The following MYO1B variants were observed in gnomAD, a reference collection of about 807,000 sequenced individuals.
The protein encoded by MYO1B is unconventional myosin-Ib.
A neutral mutation model predicts 159.7 loss-of-function variants in MYO1B; 72 were observed. The observed-to-expected ratio is 0.45, with a 90% CI of 0.37 to 0.55. The LOEUF is 0.55. Ranked by LOEUF, MYO1B falls within the 20% of genes least tolerant of loss-of-function variation. The pLI, the probability that MYO1B is intolerant of heterozygous loss-of-function variation, is 0.00. For synonymous variants in MYO1B, 468 were observed against 473.8 expected (o/e 0.99, Z 0.16); for missense variants, 1,062 against 1,364.8 (o/e 0.78, Z 3.50).
chr2:191,308,920 G>T (rs1689816048), intron 3 of MYO1B, among the ~76,000 whole-genome samples: 1 of 152,108 alleles, frequency 6.6e-6, no homozygotes, highest in Non-Finnish European at 1.5e-5. Flanking sequence ...CGCCTTGCTG[G>T]CTGCTCCATA....
intron 3 of MYO1B, among the ~76,000 whole-genome samples, chr2:191,313,717 C>G (rs992838434): frequency 1.3e-4 from 20 of 152,150 alleles, no homozygotes; most frequent in African/African-American, 4.8e-4. Flanking sequence ...CGGGGTTTCA[C>G]CATTTTGGTC....
intron 13 of MYO1B, 116 bp from the exon 14 acceptor site, chr2:191,381,346 G>T (rs1353455652): frequency 1.2e-6 from 1 of 811,298 alleles, no homozygotes; most frequent in South Asian, 1.4e-5. Context: ...CTGGGCCACA[G>T]TTAAATCTGA....
At chr2:191,356,374 G>A (rs1045733871) in intron 7 of MYO1B, among the ~76,000 whole-genome samples, 12 of 125,170 alleles carry the variant, frequency 9.6e-5, no homozygotes, top group Non-Finnish European at 6.7e-5. Flanking sequence ...TGAGTTTTGA[G>A]TTTTAAAGCT....
At position 191,423,936 on chromosome 2, in the gene MYO1B, T is replaced by A. The variant is rs758668162; in HGVS notation, c.3387T>A (p.Arg1129=). Residue 1129 remains arginine (R), a synonymous_variant, in exon 31 of 31, where the codon CGT becomes CGA. Transcript: ENST00000392318. ...SVPTCKRKNN[R]LLEVAVP is the part of the protein sequence containing the mutation. ...CAACATGTAAACGAAAAAACAACCG[T>A]CTCCTTGAAGTTGCTGTCCCTTAAC... 1.9e-6 allele frequency: 3 copies of A among 1,613,850 alleles called. No individual in the cohort carries two copies. The Admixed American group carries it at 5.0e-5, about 27-fold the overall frequency.
chr2:191,368,269 A>G (rs560548423), intron 11 of MYO1B, among the ~76,000 whole-genome samples: 2 of 152,338 alleles, frequency 1.3e-5, no homozygotes, highest in South Asian at 4.1e-4. Context: ...GGTTAATTTT[A>G]ACAGTAATAC....
intron 1 of MYO1B, among the ~76,000 whole-genome samples, chr2:191,270,473 C>G (rs1687391273): frequency 1.3e-5 from 2 of 152,156 alleles, no homozygotes; most frequent in African/African-American, 4.8e-5. Context: ...ACGATGTTCA[C>G]TGTGTTCTTA....
chr2:191,382,944 C>T (rs2356648), intron 14 of MYO1B, among the ~76,000 whole-genome samples: 124,174 of 152,126 alleles, frequency 0.82, 54,522 homozygotes, highest in Non-Finnish European at 0.98. Context: ...ACATTGTAAA[C>T]ATACACAACG....
intron 3 of MYO1B, among the ~76,000 whole-genome samples, chr2:191,315,689 A>C (rs1486995569): frequency 2.0e-5 from 3 of 152,250 alleles, no homozygotes; most frequent in African/African-American, 7.2e-5. Context: ...TGACTATGTG[A>C]AGGGTGTCAT....
intron 7 of MYO1B, among the ~76,000 whole-genome samples, chr2:191,350,601 T>C (rs1692848696): frequency 6.6e-6 from 1 of 152,066 alleles, no homozygotes; most frequent in African/African-American, 2.4e-5. Flanking sequence ...ATATAAATAA[T>C]TGGTTTTAAA....
chr2:191,400,451 T>C lies in MYO1B; in HGVS notation c.2365T>C (p.Tyr789His), dbSNP rs536319584. The C allele has an allele frequency of 6.8e-6, 11 of 1,614,188 alleles. No individual in the cohort carries two copies. The Admixed American group carries it at 1.5e-4, about 22-fold the overall frequency. ...CKEAVTTIAA[Y>H]WHGTQARREL... is the part of the protein sequence containing the mutation. Reference sequence around the variant, plus strand: ...GGAAGCAGTCACGACCATTGCTGCATATTGGCATGGGACCCAGGTAGGCCC... The same window carrying C: ...GGAAGCAGTCACGACCATTGCTGCACATTGGCATGGGACCCAGGTAGGCCC... The change falls in exon 22 of 31, where the codon TAT becomes CAT. Residue 789 changes from tyrosine to histidine, a missense_variant. Transcript: ENST00000392318.
intron 24 of MYO1B, among the ~76,000 whole-genome samples, chr2:191,406,027 G>A (rs968996394): frequency 3.9e-5 from 6 of 152,164 alleles, no homozygotes; most frequent in South Asian, 2.1e-4. Flanking sequence ...ATCTGTTGTC[G>A]AGTGTAGCCA....
intron 4 of MYO1B, among the ~76,000 whole-genome samples, chr2:191,336,594 C>T (rs781667370): frequency 1.3e-5 from 2 of 152,080 alleles, no homozygotes; most frequent in African/African-American, 2.4e-5. Context: ...ACAAAGGCTG[C>T]GTCTCTCATT....
At chr2:191,387,712 C>A in intron 17 of MYO1B, 1 of 480,716 alleles carries the variant, frequency 2.1e-6, no homozygotes. Flanking sequence ...TAGGGGTTTT[C>A]AACTTTCTGT....
At chr2:191,363,024 GTA>G in intron 9 of MYO1B, among the ~76,000 whole-genome samples, 1 of 152,204 alleles carries the variant, frequency 6.6e-6, no homozygotes, top group East Asian at 1.9e-4. Flanking sequence ...CTCTACTTTT[GTA>G]TATGTTTGAC....
At chr2:191,358,600 G>C (rs1200674348) in intron 7 of MYO1B, among the ~76,000 whole-genome samples, 2 of 152,248 alleles carry the variant, frequency 1.3e-5, no homozygotes, top group South Asian at 4.1e-4. Flanking sequence ...GTGTGTTGCT[G>C]TTGCACAGTG....
At chr2:191,273,560 A>G (rs1482858541) in intron 1 of MYO1B, among the ~76,000 whole-genome samples, 2 of 152,132 alleles carry the variant, frequency 1.3e-5, no homozygotes, top group Non-Finnish European at 2.9e-5. Flanking sequence ...GAGACAGAGA[A>G]CCTTTGTCCT....
chr2:191,327,851 C>T (rs950777824), intron 3 of MYO1B, among the ~76,000 whole-genome samples: 2 of 152,160 alleles, frequency 1.3e-5, no homozygotes, highest in African/African-American at 4.8e-5. Flanking sequence ...TCGTTTTATT[C>T]ATACATTCAT....
chr2:191,339,853 A>G (rs1692100516), intron 4 of MYO1B, among the ~76,000 whole-genome samples: 1 of 152,194 alleles, frequency 6.6e-6, no homozygotes, highest in Admixed American at 6.5e-5. Flanking sequence ...GCCCTCAGGA[A>G]TACGTTGGGC....
At chr2:191,360,194 A>G (rs1283830731) in intron 7 of MYO1B, among the ~76,000 whole-genome samples, 1 of 152,224 alleles carries the variant, frequency 6.6e-6, no homozygotes, top group African/African-American at 2.4e-5. Flanking sequence ...GGGAGGATTC[A>G]GTGAGATACC....
Sources: allele counts gnomAD v4.1 joint callset (sites outside exome capture counted in the v4.1 genomes callset), GRCh38; gene constraint gnomAD v4.1.1; transcripts MANE v1.5; gene names NCBI Gene and HGNC (gene_info 2026-07-23, HGNC 2026-07-21).